Variants in SRPK2 observed in about 807,000 individuals in gnomAD.
The protein encoded by SRPK2 is SFRS protein kinase 2.
SRPK2 carries 21 observed loss-of-function variants against 90.8 expected under a neutral mutation model. The observed-to-expected ratio is 0.23, with a 90% CI of 0.16 to 0.33. The LOEUF (loss-of-function observed/expected upper bound fraction) is 0.33, where lower values mean the gene tolerates loss of function less well. Among genes scored for constraint, SRPK2 ranks in the 10% least tolerant of loss-of-function variants. The pLI, the probability that SRPK2 is intolerant of heterozygous loss-of-function variation, is 1.00. For synonymous variants in SRPK2, 288 were observed against 311.1 expected (o/e 0.93, Z 0.78); for missense variants, 620 against 869.0 (o/e 0.71, Z 3.60).
chr7:105,301,155 G>C (rs1810498127), intron 2 of SRPK2, among the ~76,000 whole-genome samples: 1 of 152,126 alleles, frequency 6.6e-6, no homozygotes, highest in Non-Finnish European at 1.5e-5. Context: ...AAGAAAATGT[G>C]CCACTTGGCT....
At chr7:105,232,865 T>G (rs1266906436) in intron 2 of SRPK2, among the ~76,000 whole-genome samples, 1 of 151,886 alleles carries the variant, frequency 6.6e-6, no homozygotes. Context: ...ATACAAAAAT[T>G]AGGTGGGTGT....
At chr7:105,380,087 G>T (rs35757884) in intron 2 of SRPK2, among the ~76,000 whole-genome samples, 41,509 of 152,104 alleles carry the variant, frequency 0.27, 6,170 homozygotes, top group Middle Eastern at 0.34. Context: ...AGCGGCCTAG[G>T]CAACAAAGCA....
intron 2 of SRPK2, among the ~76,000 whole-genome samples, chr7:105,239,462 G>C (rs2129622798): frequency 6.6e-6 from 1 of 152,316 alleles, no homozygotes; most frequent in Admixed American, 6.5e-5. Context: ...AGGTATCACT[G>C]AGGCAGTTAC....
At chr7:105,247,219 T>G (rs1198581596) in intron 2 of SRPK2, among the ~76,000 whole-genome samples, 5 of 152,198 alleles carry the variant, frequency 3.3e-5, no homozygotes, top group Non-Finnish European at 7.3e-5. Flanking sequence ...CTCTATATAC[T>G]AACTAAGTCC....
intron 3 of SRPK2, among the ~76,000 whole-genome samples, chr7:105,198,934 G>A (rs1216523680): frequency 1.3e-5 from 2 of 152,164 alleles, no homozygotes; most frequent in East Asian, 3.8e-4. Flanking sequence ...TCCTCTTGGA[G>A]ATCTAAGATA....
chr7:105,174,891 CACA>C (rs1209668929), intron 3 of SRPK2, among the ~76,000 whole-genome samples: 4 of 152,108 alleles, frequency 2.6e-5, no homozygotes, highest in African/African-American at 9.7e-5. Flanking sequence ...TGCCTGTAAT[CACA>C]ACAATTTGGG....
intron 2 of SRPK2, among the ~76,000 whole-genome samples, chr7:105,219,577 G>C (rs78777967): frequency 1.3e-5 from 2 of 152,192 alleles, no homozygotes; most frequent in African/African-American, 4.8e-5. Flanking sequence ...TAAGTATGAC[G>C]TTAGCTATGT....
intron 15 of SRPK2, among the ~76,000 whole-genome samples, chr7:105,121,313 C>G (rs1800327559): frequency 6.6e-6 from 1 of 151,300 alleles, no homozygotes; most frequent in South Asian, 2.1e-4. Flanking sequence ...TCACTACACT[C>G]CAGCCTAGGC....
chr7:105,327,331 G>A (rs1052998377), intron 2 of SRPK2, among the ~76,000 whole-genome samples: 3 of 152,196 alleles, frequency 2.0e-5, no homozygotes, highest in African/African-American at 7.2e-5. Context: ...ATGCTCATTT[G>A]TTTATCTATG....
chr7:105,399,304 T>G (rs1429175936), exon 1 of SRPK2: 1 of 152,178 alleles, frequency 6.6e-6, no homozygotes, highest in Non-Finnish European at 1.5e-5. Flanking sequence ...CCTCATTTCC[T>G]CACTGCACGG....
chr7:105,388,547 G>T, intron 2 of SRPK2, 101 bp downstream of exon 2: 2 of 1,081,368 alleles, frequency 1.8e-6, no homozygotes, highest in Non-Finnish European at 2.5e-6. Flanking sequence ...GGACCAGCCC[G>T]CCCGCCGGCC....
At chr7:105,366,991 G>A (rs1268499193) in intron 2 of SRPK2, among the ~76,000 whole-genome samples, 1 of 151,916 alleles carries the variant, frequency 6.6e-6, no homozygotes, top group Non-Finnish European at 1.5e-5. Flanking sequence ...GTCCCATGGT[G>A]TTATTCAAAG....
intron 2 of SRPK2, among the ~76,000 whole-genome samples, chr7:105,215,301 C>T (rs1468184165): frequency 1.3e-5 from 2 of 152,110 alleles, no homozygotes; most frequent in Non-Finnish European, 2.9e-5. Flanking sequence ...AATGAGATAC[C>T]ACTTCACACC....
chr7:105,393,412 G>C (rs908575530), upstream of SRPK2, among the ~76,000 whole-genome samples: 1 of 150,542 alleles, frequency 6.6e-6, no homozygotes, highest in Non-Finnish European at 1.5e-5. Context: ...GATTAAAGGC[G>C]TGCACCACCG....
chr7:105,216,398 G>A lies in SRPK2; in HGVS notation c.72-12613C>T, dbSNP rs148699167. 2.8e-3 allele frequency among the ~76,000 whole-genome samples: 429 copies of A among 152,106 alleles called. 11 individuals carry two copies. In the East Asian group the frequency reaches 0.055, roughly 19 times the overall value. On this transcript the variant is annotated intron_variant, in intron 2 of 15. Coordinates refer to ENST00000393651, the MANE Select transcript of SRPK2 (RefSeq NM_182692.3). ...GTGACTGGTGAGATGAAGGAAAGGA[G>A]GTAATTTTTTCAAGATTCTTATCAC...
rs1279060494 is a variant in SRPK2, at chr7:105,325,395, T to C, written c.71+63253A>G. ...CCTGTTGATCCCTCTGTAAATGTCA[T>C]GCAGTCCACATAAAGGAACCAAGAG... is the stretch of plus-strand genomic sequence containing the variant. On this transcript the variant is annotated intron_variant, in intron 2 of 15. Coordinates refer to ENST00000393651, the MANE Select transcript of SRPK2 (RefSeq NM_182692.3). 3.4e-5 allele frequency among the ~76,000 whole-genome samples: 5 copies of C among 148,738 alleles called. No individual in the cohort carries two copies. The East Asian group carries it at 5.9e-4, about 18-fold the overall frequency.
chr7:105,371,141 C>T (rs1371776371), intron 2 of SRPK2, among the ~76,000 whole-genome samples: 1 of 151,868 alleles, frequency 6.6e-6, no homozygotes, highest in Non-Finnish European at 1.5e-5. Context: ...TGGTGGCTCA[C>T]GTCTGTAATC....
intron 2 of SRPK2, among the ~76,000 whole-genome samples, chr7:105,360,838 G>C (rs973717931): frequency 3.3e-5 from 5 of 151,980 alleles, no homozygotes; most frequent in Admixed American, 1.3e-4. Context: ...AAAATAGTAA[G>C]AGCTATTTAT....
intron 11 of SRPK2, among the ~76,000 whole-genome samples, chr7:105,136,584 C>T (rs1802835831): frequency 6.6e-6 from 1 of 152,186 alleles, no homozygotes; most frequent in Non-Finnish European, 1.5e-5. Flanking sequence ...TTGGGTGACA[C>T]TGTGGTCACT....
Sources: gnomAD v4.1 joint callset for allele counts (sites outside exome capture counted in the v4.1 genomes callset) on GRCh38, gnomAD v4.1.1 for gene constraint, MANE v1.5 for transcripts, NCBI Gene and HGNC (gene_info 2026-07-23, HGNC 2026-07-21) for gene names.